The following RAB32 variants were observed in gnomAD, a reference collection of about 807,000 sequenced individuals.
RAB32 encodes ras-related protein Rab-32.
Under a neutral mutation model 17.5 loss-of-function variants are expected in RAB32, and 17 were observed. The ratio of observed to expected loss-of-function variants is 0.97; its 90% confidence interval spans 0.67 to 1.46. The LOEUF (loss-of-function observed/expected upper bound fraction) is 1.46, where lower values mean the gene tolerates loss of function less well. Among genes scored for constraint, RAB32 ranks in the 40% most tolerant of loss-of-function variants. The probability of loss-of-function intolerance (pLI) is 0.00; values close to 1 mark genes in which losing one functional copy is unlikely to be tolerated. For synonymous variants in RAB32, 115 were observed against 111.1 expected, an observed-to-expected ratio of 1.04 and a Z score of -0.22; for missense variants, 288 against 284.3, an observed-to-expected ratio of 1.01 and a Z score of -0.09.
intron 1 of RAB32, among the ~76,000 whole-genome samples, chr6:146,544,561 G>C (rs1779797280): frequency 6.6e-6 from 1 of 152,012 alleles, no homozygotes; most frequent in African/African-American, 2.4e-5. Context: ...AAGACCAAAA[G>C]CCAGGTTCCT....
rs1459443884 is a variant in RAB32, at chr6:146,543,944, CTCTTCAAGGTGCTGGTGATCGG to C, written c.74_95del (p.Leu25ProfsTer60). ...CCCAGCGCCCGAGACCCGCGAGCAC[CTCTTCAAGGTGCTGGTGATCGG>C]CGAGCTTGGCGTGGGCAAGACCAGC... On this transcript the variant is annotated frameshift_variant, in exon 1 of 3. Coordinates refer to ENST00000367495, the MANE Select transcript of RAB32 (RefSeq NM_006834.5). LOFTEE classifies it high-confidence loss of function. 5 of 1,612,112 alleles carry C rather than the reference CTCTTCAAGGTGCTGGTGATCGG, an allele frequency of 3.1e-6. No individual in the cohort carries two copies. The Admixed American group carries it at 8.3e-5, about 27-fold the overall frequency.
intron 2 of RAB32, among the ~76,000 whole-genome samples, chr6:146,553,873 T>C (rs1779926253): frequency 6.6e-6 from 1 of 152,230 alleles, no homozygotes. Flanking sequence ...ACTGTATATT[T>C]AATGATAACT....
intron 2 of RAB32, 37 bp downstream of exon 2, chr6:146,549,778 A>G: frequency 6.3e-7 from 1 of 1,591,534 alleles, no homozygotes; most frequent in Non-Finnish European, 8.6e-7. Context: ...TTTGCTTTCT[A>G]GCTCATAATT....
intron 1 of RAB32, among the ~76,000 whole-genome samples, chr6:146,549,233 T>C (rs1779864568): frequency 6.6e-6 from 1 of 152,232 alleles, no homozygotes. Flanking sequence ...TTATGGAGAA[T>C]ATGTTGTACA....
chr6:146,552,713 C>A (rs970504899), intron 2 of RAB32, among the ~76,000 whole-genome samples: 1 of 152,128 alleles, frequency 6.6e-6, no homozygotes, highest in African/African-American at 2.4e-5. Context: ...CACCACAGAA[C>A]CAATTAACTT....
At chr6:146,545,056 T>A (rs1779803246) in intron 1 of RAB32, among the ~76,000 whole-genome samples, 2 of 152,058 alleles carry the variant, frequency 1.3e-5, no homozygotes, top group African/African-American at 4.8e-5. Flanking sequence ...CAGCCTGGGC[T>A]GTTAGTGAGA....
chr6:146,547,021 G>A (rs1779832100), intron 1 of RAB32, among the ~76,000 whole-genome samples: 1 of 152,114 alleles, frequency 6.6e-6, no homozygotes, highest in South Asian at 2.1e-4. Context: ...AAATACAGAT[G>A]CAGTTTAGTG....
In RAB32 at chr6:146,544,241, A is replaced by G. The variant is rs552340597; in HGVS notation, c.250+120A>G. 4.5e-6 allele frequency: 6 copies of G among 1,335,678 alleles called. No individual in the cohort carries two copies. In the East Asian group the frequency reaches 1.6e-4, roughly 36 times the overall value. The allele number at this position is 1,335,678 out of a possible 1,614,324, so 82.7% of individuals were successfully genotyped here. On this transcript the variant is annotated intron_variant, in intron 1 of 2. Transcript: ENST00000367495. ...TGCCTGGGTACCTTTAGGAGAAGAG[A>G]GAGGCCCAATCCAAGGGCGAGATGC...
At chr6:146,545,341 G>A (rs1023529141) in intron 1 of RAB32, among the ~76,000 whole-genome samples, 1 of 151,984 alleles carries the variant, frequency 6.6e-6, no homozygotes, top group Admixed American at 6.6e-5. Flanking sequence ...ACAGTCTGCA[G>A]TACAGCATTA....
intron 2 of RAB32, among the ~76,000 whole-genome samples, chr6:146,550,734 G>A (rs546233798): frequency 1.4e-5 from 2 of 142,286 alleles, no homozygotes; most frequent in African/African-American, 5.2e-5. Context: ...TGGGGGGGGG[G>A]TTACGTGCAT....
At chr6:146,549,375 G>A in intron 1 of RAB32, 89 bp from the exon 2 acceptor site, 2 of 1,027,920 alleles carry the variant, frequency 1.9e-6, no homozygotes, top group Non-Finnish European at 2.9e-6. Flanking sequence ...TTTGTTCATA[G>A]TGTTGCTCTT....
At chr6:146,550,344 T>C (rs557714179) in intron 2 of RAB32, among the ~76,000 whole-genome samples, 1 of 152,254 alleles carries the variant, frequency 6.6e-6, no homozygotes, top group African/African-American at 2.4e-5. Context: ...TCAGTTGACT[T>C]TCAAAAATCT....
At chr6:146,552,578 G>A (rs1488644793) in intron 2 of RAB32, among the ~76,000 whole-genome samples, 1 of 152,080 alleles carries the variant, frequency 6.6e-6, no homozygotes, top group Non-Finnish European at 1.5e-5. Flanking sequence ...ATATGTGAGT[G>A]TGTATAGATA....
chr6:146,549,528 C>T lies in RAB32; in HGVS notation c.315C>T (p.Val105=). Residue 105 remains valine (V), a synonymous_variant, in exon 2 of 3, where the codon GTC becomes GTT. Transcript: ENST00000367495. ...YYKEAVGAFV[V]FDISRSSTFE... ...AGGAAGCTGTTGGTGCTTTTGTAGT[C>T]TTTGATATATCAAGAAGTTCCACAT... The T allele has an allele frequency of 1.2e-6, 2 of 1,614,082 alleles. No individual in the cohort carries two copies. Among genetic ancestry groups the T allele is most frequent in the Admixed American group, 1.7e-5 (1 of 60,014 alleles).
rs1379533447 is a variant in RAB32, at chr6:146,553,044, A to AGG, written c.529-1410_529-1409dup. On this transcript the variant is annotated intron_variant, in intron 2 of 2. Coordinates refer to ENST00000367495, the MANE Select transcript of RAB32 (RefSeq NM_006834.5). The stretch of plus-strand genomic sequence containing the variant: ...CAAATGAATAAAGAAATGGGGGAGA[A>AGG]GGGAACCTCTTTCTTTTTTTATTTT... Among the ~76,000 whole-genome samples, 13 of 152,330 alleles carry AGG rather than the reference A, an allele frequency of 8.5e-5. No homozygotes were observed. The East Asian group carries it at 2.5e-3, about 29-fold the overall frequency.
At chr6:146,551,081 C>T (rs1779891991) in intron 2 of RAB32, among the ~76,000 whole-genome samples, 1 of 152,138 alleles carries the variant, frequency 6.6e-6, no homozygotes, top group South Asian at 2.1e-4. Context: ...CAATGAGAGA[C>T]TGCACAAAAG....
In RAB32 at chr6:146,554,917, G is replaced by C. The variant is rs1259331926; in HGVS notation, c.*312G>C. ...TAAGGCTTCCAAGTTGTAGCTTTTA[G>C]TGTAAGTGCTGGGGTGGTAATAAAA... On this transcript the variant is annotated 3_prime_UTR_variant, in exon 3 of 3. Coordinates refer to ENST00000367495, the MANE Select transcript of RAB32 (RefSeq NM_006834.5). 4.8e-6 allele frequency: 1 copy of C among 208,152 alleles called. No homozygotes were observed. Among genetic ancestry groups the C allele is most frequent in the Non-Finnish European group, 9.6e-6 (1 of 103,982 alleles). The allele number at this position is 208,152 out of a possible 1,614,324, so 12.9% of individuals were successfully genotyped here.
At chr6:146,546,539 A>G (rs1405962702) in intron 1 of RAB32, among the ~76,000 whole-genome samples, 3 of 152,172 alleles carry the variant, frequency 2.0e-5, no homozygotes, top group African/African-American at 7.2e-5. Flanking sequence ...TTTGATTTGA[A>G]TATTTGAGCT....
At position 146,551,776 on chromosome 6, in the gene RAB32, G is replaced by A. The variant is rs77638849; in HGVS notation, c.528+2035G>A. ...GTAGCTTGTGACTGTGTAAGTCATC[G>A]GTTTCACTTTATGTATGGATAGGAT... On this transcript the variant is annotated intron_variant, in intron 2 of 2. Transcript: ENST00000367495. Among the ~76,000 whole-genome samples, 673 of 152,124 alleles carry A rather than the reference G, an allele frequency of 4.4e-3. 6 individuals are homozygous for A. Among genetic ancestry groups the A allele is most frequent in the Non-Finnish European group, 7.0e-3 (477 of 67,988 alleles).
Sources: gnomAD v4.1 joint callset for allele counts (sites outside exome capture counted in the v4.1 genomes callset) on GRCh38, gnomAD v4.1.1 for gene constraint, MANE v1.5 for transcripts, NCBI Gene and HGNC (gene_info 2026-07-23, HGNC 2026-07-21) for gene names.